NDUFS1: variants seen among roughly 807,000 people sequenced by gnomAD.
NDUFS1 encodes the protein NADH-ubiquinone oxidoreductase 75 kDa subunit, mitochondrial.
A neutral mutation model predicts 84.4 loss-of-function variants in NDUFS1; 61 were observed. The ratio of observed to expected loss-of-function variants is 0.72; its 90% confidence interval spans 0.59 to 0.89. The LOEUF (loss-of-function observed/expected upper bound fraction) is 0.89, where lower values mean the gene tolerates loss of function less well. NDUFS1 is among the 40% of genes least tolerant of loss of function. The probability of loss-of-function intolerance (pLI) is 0.00; values close to 1 mark genes in which losing one functional copy is unlikely to be tolerated. For synonymous variants in NDUFS1, 275 were observed against 290.0 expected, an observed-to-expected ratio of 0.95 and a Z score of 0.53; for missense variants, 891 against 890.0, an observed-to-expected ratio of 1.00 and a Z score of -0.01.
intron 14 of NDUFS1, among the ~76,000 whole-genome samples, chr2:206,131,141 A>G (rs1350888038): frequency 1.3e-5 from 2 of 152,182 alleles, no homozygotes; most frequent in African/African-American, 4.8e-5. Context: ...AGCCATTCTG[A>G]GGACCTAAAA....
chr2:206,139,882 A>AAG (rs1553505083), intron 12 of NDUFS1, among the ~76,000 whole-genome samples: 1 of 151,232 alleles, frequency 6.6e-6, no homozygotes. Flanking sequence ...AAAAAAAAAA[A>AAG]AAAAAAAAAG....
In NDUFS1 at chr2:206,153,701, A is replaced by C. The variant is rs1169745680; in HGVS notation, c.-4-19T>G. 7.6e-7 allele frequency: 1 copy of C among 1,314,858 alleles called. No individual in the cohort carries two copies. The highest frequency in any genetic ancestry group is 1.1e-6 in the Non-Finnish European group (1 of 925,120). 81.4% of individuals were successfully genotyped at this position (1,314,858 alleles called of 1,614,324 possible). A position where few individuals can be genotyped will look rare whatever the true frequency, so the allele number is the denominator to read the frequency against. On this transcript the variant is annotated intron_variant, in intron 1 of 18. Transcript: ENST00000233190. ...CATATTGCTAAAAATAAAACAAAGAATTATATTATTGTAGGGAAAAAAACA... is the reference window on the plus strand; with the variant it reads ...CATATTGCTAAAAATAAAACAAAGACTTATATTATTGTAGGGAAAAAAACA...
rs746624908 is a variant in NDUFS1 at position 206,146,900 on chromosome 2, T to C, written c.737+3A>G. 1.2e-6 allele frequency: 2 copies of C among 1,612,788 alleles called. No individual in the cohort carries two copies. The highest frequency in any genetic ancestry group is 1.3e-5 in the African/African-American group (1 of 75,030). On this transcript the variant is annotated splice_donor_region_variant and intron_variant, in intron 8 of 18. Transcript: ENST00000233190. Reference sequence around the variant, plus strand: ...AAACAAATTGTCATAAAATAAAAGATACCTTGTTTCCCAAGGCCGGGCAGT... The same window carrying C: ...AAACAAATTGTCATAAAATAAAAGACACCTTGTTTCCCAAGGCCGGGCAGT...
rs1275318618 is a variant in NDUFS1, at chr2:206,147,676, GAA to G, written c.421-17_421-16del. 1 of 1,613,920 alleles carries G rather than the reference GAA, an allele frequency of 6.2e-7. No individual in the cohort carries two copies. Among genetic ancestry groups the G allele is most frequent in the African/African-American group, 1.3e-5 (1 of 74,880 alleles). On this transcript the variant is annotated splice_polypyrimidine_tract_variant and intron_variant, in intron 6 of 18. Transcript: ENST00000233190. ...ATGGACTGGTCCTTAAGTAGATTATGAAAGAGTCAATCTCATGCTGCTAATAA... is the reference window on the plus strand; with the variant it reads ...ATGGACTGGTCCTTAAGTAGATTATGAGAGTCAATCTCATGCTGCTAATAA...
intron 7 of NDUFS1, 97 bp from the exon 8 acceptor site, chr2:206,147,185 A>G: frequency 8.3e-7 from 1 of 1,210,900 alleles, no homozygotes; most frequent in Non-Finnish European, 1.2e-6. Context: ...AAACACTAAA[A>G]AGAAATGAGT....
chr2:206,152,031 A>C (rs999466253), intron 3 of NDUFS1, among the ~76,000 whole-genome samples: 5 of 152,120 alleles, frequency 3.3e-5, no homozygotes, highest in African/African-American at 1.2e-4. Flanking sequence ...ATGCGCAGCT[A>C]ATTTTTTGTA....
At chr2:206,137,309 AC>A (rs1559050791) in intron 13 of NDUFS1, among the ~76,000 whole-genome samples, 2 of 152,092 alleles carry the variant, frequency 1.3e-5, no homozygotes, top group African/African-American at 4.8e-5. Flanking sequence ...CCCCGTCTCT[AC>A]TAAAAATACA....
chr2:206,149,270 C>T lies in NDUFS1; in HGVS notation c.262-174G>A, dbSNP rs575163275. Among the ~76,000 whole-genome samples the T allele has an allele frequency of 2.3e-4, 35 of 152,134 alleles. No individual in the cohort carries two copies. In the Middle Eastern group the frequency reaches 0.01, roughly 44 times the overall value. On this transcript the variant is annotated intron_variant, in intron 4 of 18. Transcript: ENST00000233190. Reference sequence around the variant, plus strand: ...TTGTTAAGTTTTCATATTCATAATACGATGATCTAGTACTTTGCATTTATC... The same window carrying T: ...TTGTTAAGTTTTCATATTCATAATATGATGATCTAGTACTTTGCATTTATC...
At chr2:206,127,739 G>A in intron 16 of NDUFS1, 58 bp downstream of exon 16, 1 of 1,560,158 alleles carries the variant, frequency 6.4e-7, no homozygotes. Context: ...ATTCTAACAG[G>A]CTAAAATATC....
At chr2:206,157,253 C>T (rs925109307) in intron 1 of NDUFS1, among the ~76,000 whole-genome samples, 2 of 152,204 alleles carry the variant, frequency 1.3e-5, no homozygotes, top group African/African-American at 4.8e-5. Context: ...GCCTGGCAGA[C>T]AACCAATTTT....
intron 13 of NDUFS1, among the ~76,000 whole-genome samples, chr2:206,135,787 T>C (rs1039498895): frequency 1.3e-5 from 2 of 152,182 alleles, no homozygotes; most frequent in East Asian, 1.9e-4. Flanking sequence ...TCACGGAATA[T>C]TTTTTAATAT....
chr2:206,135,847 T>C (rs560629171), intron 13 of NDUFS1, among the ~76,000 whole-genome samples: 27 of 152,216 alleles, frequency 1.8e-4, no homozygotes, highest in African/African-American at 6.5e-4. Flanking sequence ...AAACAAGTTG[T>C]GCTTTGCTAC....
chr2:206,138,559 A>G lies in NDUFS1; in HGVS notation c.1318T>C (p.Tyr440His). The G allele has an allele frequency of 6.2e-7, 1 of 1,613,894 alleles. No individual in the cohort carries two copies. The change falls in exon 13 of 19, where the codon TAC (tyrosine) becomes CAC (histidine). Residue 440 changes from tyrosine (Y) to histidine (H), a missense_variant. Coordinates refer to ENST00000233190, the MANE Select transcript of NDUFS1 (RefSeq NM_005006.7). ...GAGTCTCCCAGGTGGTCATATGTGT[A>G]AGTGAGGTCCACTGGACTGCCTATA... is the stretch of plus-strand genomic sequence containing the variant. ...ALIGSPVDLTYTYDHLGDSPK... is the reference protein window; with the variant it reads ...ALIGSPVDLTHTYDHLGDSPK...
intron 2 of NDUFS1, 32 bp downstream of exon 2, chr2:206,153,586 A>G (rs1312174112): frequency 7.7e-7 from 1 of 1,293,866 alleles, no homozygotes. Flanking sequence ...AAGGTCTAAT[A>G]TCCACGAATG....
chr2:206,140,941 T>C lies in NDUFS1; in HGVS notation c.1262+1000A>G, dbSNP rs867606155. Among the ~76,000 whole-genome samples the C allele has an allele frequency of 3.2e-3, 213 of 67,056 alleles. 1 individual carries two copies. The highest frequency in any genetic ancestry group is 0.015 in the African/African-American group (165 of 10,876). 44.0% of individuals were successfully genotyped at this position (67,056 alleles called of 152,430 possible). A position where few individuals can be genotyped will look rare whatever the true frequency, so the allele number is the denominator to read the frequency against. Reference sequence around the variant, plus strand: ...TAGTGTGTATATATATATATATATATATACACACACACTGAGAATCATAAT... The same window carrying C: ...TAGTGTGTATATATATATATATATACATACACACACACTGAGAATCATAAT... On this transcript the variant is annotated intron_variant, in intron 12 of 18. Coordinates refer to ENST00000233190, the MANE Select transcript of NDUFS1 (RefSeq NM_005006.7).
rs749583483 is a variant in NDUFS1, at chr2:206,130,138, CCTCCATCTG to C, written c.1649_1657del (p.Ala550_Gly552del). The stretch of plus-strand genomic sequence containing the variant: ...TGGCAAATCCTGTCGTGTGATACAA[CCTCCATCTG>C]CTCCCAGGAGAAACAGCACCTTGGG... On this transcript the variant is annotated inframe_deletion, in exon 15 of 19. Transcript: ENST00000233190. 6.2e-7 allele frequency: 1 copy of C among 1,614,116 alleles called. No individual in the cohort carries two copies.
Position 206,146,885 on chromosome 2 carries a change from T to C in NDUFS1, c.737+18A>G, listed in dbSNP as rs1692171642. On this transcript the variant is annotated intron_variant, in intron 8 of 18. Coordinates refer to ENST00000233190, the MANE Select transcript of NDUFS1 (RefSeq NM_005006.7). ...GAATTAAGGACAAAAAAACAAATTGTCATAAAATAAAAGATACCTTGTTTC... is the reference window on the plus strand; with the variant it reads ...GAATTAAGGACAAAAAAACAAATTGCCATAAAATAAAAGATACCTTGTTTC... 6.2e-7 allele frequency: 1 copy of C among 1,609,480 alleles called. No homozygotes were observed. The highest frequency in any genetic ancestry group is 1.3e-5 in the African/African-American group (1 of 74,924).
At chr2:206,137,156 A>C (rs981743848) in intron 13 of NDUFS1, among the ~76,000 whole-genome samples, 1 of 152,148 alleles carries the variant, frequency 6.6e-6, no homozygotes, top group Non-Finnish European at 1.5e-5. Context: ...ATAGTCTTAT[A>C]GTGATGTCTT....
At chr2:206,142,404 G>A (rs766904696) in intron 11 of NDUFS1, among the ~76,000 whole-genome samples, 18 of 152,046 alleles carry the variant, frequency 1.2e-4, no homozygotes, top group African/African-American at 3.6e-4. Context: ...TAGTAGAGAC[G>A]GGGTTTCGCC....
Sources: gnomAD v4.1 joint callset for allele counts (sites outside exome capture counted in the v4.1 genomes callset) on GRCh38, gnomAD v4.1.1 for gene constraint, MANE v1.5 for transcripts, NCBI Gene and HGNC (gene_info 2026-07-23, HGNC 2026-07-21) for gene names.